The following HMCN2 variants were observed in gnomAD, a reference collection of about 807,000 sequenced individuals.
HMCN2 encodes hemicentin 2.
A neutral mutation model predicts 377.5 loss-of-function variants in HMCN2; 325 were observed. The observed-to-expected ratio is 0.86, with a 90% confidence interval of 0.79 to 0.94. The LOEUF (loss-of-function observed/expected upper bound fraction) is 0.94, where lower values mean the gene tolerates loss of function less well. Among genes scored for constraint, HMCN2 ranks in the 40% least tolerant of loss-of-function variants. The pLI, the probability that HMCN2 is intolerant of heterozygous loss-of-function variation, is 0.00. For synonymous variants in HMCN2, 2,007 were observed against 2,046.8 expected (o/e 0.98, Z 0.53); for missense variants, 4,543 against 4,725.3 (o/e 0.96, Z 1.13).
intron 96 of HMCN2, among the ~76,000 whole-genome samples, chr9:130,432,185 C>T (rs1171111051): frequency 6.6e-6 from 1 of 152,234 alleles, no homozygotes; most frequent in Non-Finnish European, 1.5e-5. Context: ...CTACCCAGCA[C>T]TTGCTCAGGA....
chr9:130,307,717 G>A (rs1554937378), intron 14 of HMCN2, among the ~76,000 whole-genome samples, 151 bp downstream of exon 14: 2 of 152,022 alleles, frequency 1.3e-5, no homozygotes, highest in African/African-American at 2.4e-5. Context: ...AGAGCTGGTG[G>A]GTTCCAGCTC....
Position 130,393,103 on chromosome 9 carries a change from G to A in HMCN2, c.10137-109G>A, listed in dbSNP as rs1047654747. 3 of 666,882 alleles carry A rather than the reference G, an allele frequency of 4.5e-6. No individual in the cohort carries two copies. The highest frequency in any genetic ancestry group is 5.6e-6 in the Non-Finnish European group (3 of 537,600). The allele number at this position is 666,882 out of a possible 1,614,324, so 41.3% of individuals were successfully genotyped here. On this transcript the variant is annotated intron_variant, in intron 66 of 97. Coordinates refer to ENST00000683500, the MANE Select transcript of HMCN2 (RefSeq NM_001291815.2). This position sits in a 1 kb window ranked among gnomAD's most constrained non-coding sequence, Gnocchi z 5.2. ...TCTTGGGAGACAAAGGTTGGAAAAG[G>A]GAGGAAGTCTTTCCACGCAGCCAGC...
chr9:130,380,324 C>T (rs894419354), intron 54 of HMCN2, among the ~76,000 whole-genome samples: 1 of 152,010 alleles, frequency 6.6e-6, no homozygotes, highest in Non-Finnish European at 1.5e-5. Flanking sequence ...TTAGAAATGC[C>T]CGGCCCACCT....
intron 39 of HMCN2, 123 bp from the exon 40 acceptor site, chr9:130,362,744 G>A: frequency 6.7e-6 from 5 of 748,186 alleles, no homozygotes; most frequent in Non-Finnish European, 8.2e-6. Context: ...GGGGCTCTGA[G>A]TCTGGGGCAG....
intron 1 of HMCN2, among the ~76,000 whole-genome samples, chr9:130,274,282 C>T (rs1327045248): frequency 2.0e-5 from 3 of 152,286 alleles, no homozygotes; most frequent in Admixed American, 6.5e-5. Context: ...TCTCGAACTC[C>T]TGACCTCAGG....
chr9:130,430,179 A>G, intron 94 of HMCN2, 105 bp from the exon 95 acceptor site: 2 of 969,114 alleles, frequency 2.1e-6, no homozygotes, highest in Non-Finnish European at 1.5e-6. Flanking sequence ...GAGTGGCTGG[A>G]TTCTAGGGAA....
At chr9:130,352,219 A>G (rs191263967) in intron 30 of HMCN2, among the ~76,000 whole-genome samples, 198 of 152,334 alleles carry the variant, frequency 1.3e-3, no homozygotes, top group Admixed American at 2.4e-3. Context: ...TTATTCTTAT[A>G]AAGGATATTT....
chr9:130,358,085 C>A, intron 35 of HMCN2, 97 bp downstream of exon 35: 1 of 1,088,772 alleles, frequency 9.2e-7, no homozygotes, highest in Non-Finnish European at 1.2e-6. Context: ...TCCCAGCAGG[C>A]TGGGCATAGG....
At chr9:130,289,059 G>A (rs1459178342) in intron 4 of HMCN2, among the ~76,000 whole-genome samples, 1 of 152,234 alleles carries the variant, frequency 6.6e-6, no homozygotes, top group African/African-American at 2.4e-5. Context: ...AGCCCCGACA[G>A]TGGTGGGGGT....
At chr9:130,363,061 C>T (rs1840471311) in intron 40 of HMCN2, 71 bp downstream of exon 40, 2 of 982,600 alleles carry the variant, frequency 2.0e-6, no homozygotes, top group Middle Eastern at 5.3e-4. Flanking sequence ...CATTCCCAGT[C>T]ACTTCCAAAA....
rs1048752562 is a variant in HMCN2 at position 130,394,856 on chromosome 9, C to T, written c.10693-171C>T. On this transcript the variant is annotated intron_variant, in intron 69 of 97. Transcript: ENST00000683500. The surrounding 1 kb of genome is among the most constrained non-coding windows in gnomAD (Gnocchi z 5.1). ...GGAAGAGGCAGGCATCACACCAGCCCTAAAGCAACAGTGAGATGGAGGGAG... is the reference window on the plus strand; with the variant it reads ...GGAAGAGGCAGGCATCACACCAGCCTTAAAGCAACAGTGAGATGGAGGGAG... Among the ~76,000 whole-genome samples the T allele has an allele frequency of 1.3e-5, 2 of 152,178 alleles. No individual in the cohort carries two copies. The highest frequency in any genetic ancestry group is 1.3e-4 in the Admixed American group (2 of 15,276).
chr9:130,400,365 C>T (rs865992399), intron 76 of HMCN2: 1 of 162,080 alleles, frequency 6.2e-6, no homozygotes, highest in Non-Finnish European at 1.3e-5. Context: ...GTGCACTATG[C>T]TGATTGGGTG....
At chr9:130,379,197 C>T (rs1841564837) in intron 53 of HMCN2, 52 bp from the exon 54 acceptor site, 2 of 587,128 alleles carry the variant, frequency 3.4e-6, no homozygotes, top group Middle Eastern at 8.3e-4. Flanking sequence ...AGCAGAGGTG[C>T]ATTCCCCACC....
chr9:130,396,157 GC>G lies in HMCN2; in HGVS notation c.11054-8del. The G allele has an allele frequency of 1.3e-5, 16 of 1,253,438 alleles. No homozygotes were observed. The highest frequency in any genetic ancestry group is 1.7e-5 in the Non-Finnish European group (16 of 967,564). 77.6% of individuals were successfully genotyped at this position (1,253,438 alleles called of 1,614,324 possible). A position where few individuals can be genotyped will look rare whatever the true frequency, so the allele number is the denominator to read the frequency against. On this transcript the variant is annotated splice_polypyrimidine_tract_variant and intron_variant, in intron 72 of 97. Transcript: ENST00000683500. ...CAGCTCCCAGCACCACTCCCTCTGTGCCCCTCCCCAGCGGTGCCCACCATCC... is the reference window on the plus strand; with the variant it reads ...CAGCTCCCAGCACCACTCCCTCTGTGCCCTCCCCAGCGGTGCCCACCATCC...
At chr9:130,409,080 T>A in intron 84 of HMCN2, 147 bp downstream of exon 84, 1 of 442,356 alleles carries the variant, frequency 2.3e-6, no homozygotes, top group Non-Finnish European at 3.8e-6. Context: ...ATCCTCCCAC[T>A]ACCACCAATA....
At chr9:130,370,721 C>T (rs545796438) in intron 45 of HMCN2, among the ~76,000 whole-genome samples, 123 of 152,352 alleles carry the variant, frequency 8.1e-4, no homozygotes, top group Middle Eastern at 6.8e-3. Context: ...CCCAGCATCC[C>T]GCTGAGGGCT....
rs1477755217 is a variant in HMCN2 at position 130,299,301 on chromosome 9, C to G, written c.1276+13C>G. 2.3e-6 allele frequency: 1 copy of G among 441,050 alleles called. No individual in the cohort carries two copies. Among genetic ancestry groups the G allele is most frequent in the Non-Finnish European group, 4.8e-6 (1 of 208,458 alleles). The allele number at this position is 441,050 out of a possible 1,614,324, so 27.3% of individuals were successfully genotyped here. A position where few individuals can be genotyped will look rare whatever the true frequency, so the allele number is the denominator to read the frequency against. ...GGGGTGGCCCCAGGTGAGTGGTTGG[C>G]TCTTTTGTCTCCCAGGCCCCTGGCT... On this transcript the variant is annotated intron_variant, in intron 8 of 97. Coordinates refer to ENST00000683500, the MANE Select transcript of HMCN2 (RefSeq NM_001291815.2).
At chr9:130,301,646 C>A (rs557643413) in intron 8 of HMCN2, among the ~76,000 whole-genome samples, 21 of 152,242 alleles carry the variant, frequency 1.4e-4, no homozygotes, top group Admixed American at 1.3e-4. Flanking sequence ...CCCCTCCCCC[C>A]CCGGGACAGA....
chr9:130,373,832 GATGA>G (rs111485752), intron 48 of HMCN2, among the ~76,000 whole-genome samples: 5,396 of 149,024 alleles, frequency 0.036, 385 homozygotes, highest in African/African-American at 0.13. Flanking sequence ...TGAATGGGTG[GATGA>G]ATGAATGAGG....
Sources: gnomAD v4.1 joint callset for allele counts (sites outside exome capture counted in the v4.1 genomes callset) on GRCh38, gnomAD v4.1.1 for gene constraint, Gnocchi (gnomAD v3.1) non-coding constraint, MANE v1.5 for transcripts, NCBI Gene and HGNC (gene_info 2026-07-23, HGNC 2026-07-21) for gene names.